TBC1D32: variants seen among roughly 807,000 people sequenced by gnomAD.
The protein encoded by TBC1D32 is TBC1 domain family member 32, also known as protein broad-minded.
A neutral mutation model predicts 170.3 loss-of-function variants in TBC1D32; 151 were observed. The observed-to-expected ratio is 0.89, with a 90% CI of 0.78 to 1.01. The LOEUF (loss-of-function observed/expected upper bound fraction) is 1.01. Among genes scored for constraint, TBC1D32 ranks in the 50% least tolerant of loss-of-function variants. The pLI is 0.00. For missense variants in TBC1D32, 1,464 were observed against 1,457.1 expected, an observed-to-expected ratio of 1.00 and a Z score of -0.08; for synonymous variants, 498 against 488.0, an observed-to-expected ratio of 1.02 and a Z score of -0.27.
chr6:121,319,650 C>A (rs949502140), intron 2 of TBC1D32, among the ~76,000 whole-genome samples: 1 of 152,044 alleles, frequency 6.6e-6, no homozygotes, highest in Non-Finnish European at 1.5e-5. Context: ...ACTTAAAATC[C>A]ATAGAAAATC....
rs1326255685 is a variant in TBC1D32, at chr6:121,314,707, G to C, written c.495+2788C>G. Among the ~76,000 whole-genome samples, 15 of 152,128 alleles carry C rather than the reference G, an allele frequency of 9.9e-5. 1 individual carries two copies. The highest frequency in any genetic ancestry group is 2.2e-4 in the Non-Finnish European group (15 of 68,026). On this transcript the variant is annotated intron_variant, in intron 3 of 31. Transcript: ENST00000398212. ...AAGACAGAAAAACTGCAAGAGGAAAGGATACAAATTCTGAAAGCTTAATGT... is the reference window on the plus strand; with the variant it reads ...AAGACAGAAAAACTGCAAGAGGAAACGATACAAATTCTGAAAGCTTAATGT...
intron 12 of TBC1D32, among the ~76,000 whole-genome samples, chr6:121,287,109 A>G (rs151160110): frequency 0.033 from 4,978 of 152,210 alleles, 190 homozygotes; most frequent in East Asian, 0.12. Context: ...AAGCAAAATA[A>G]CCAGCTAACA....
intron 18 of TBC1D32, 76 bp downstream of exon 18, chr6:121,242,125 G>T (rs1797062559): frequency 6.8e-7 from 1 of 1,460,782 alleles, no homozygotes; most frequent in Non-Finnish European, 9.3e-7. Flanking sequence ...TTCATACACA[G>T]AAAACAGAAT....
At chr6:121,123,596 C>T (rs1582866205) in intron 26 of TBC1D32, among the ~76,000 whole-genome samples, 1 of 151,892 alleles carries the variant, frequency 6.6e-6, no homozygotes, top group African/African-American at 2.4e-5. Context: ...ATATCTTTTT[C>T]CATTACTTCA....
chr6:121,210,318 T>A (rs990642887), intron 21 of TBC1D32, among the ~76,000 whole-genome samples: 1 of 152,226 alleles, frequency 6.6e-6, no homozygotes, highest in African/African-American at 2.4e-5. Context: ...AAAAAATACA[T>A]AAATTAACAT....
intron 8 of TBC1D32, among the ~76,000 whole-genome samples, 189 bp from the exon 9 acceptor site, chr6:121,303,950 T>C (rs1806916232): frequency 1.3e-5 from 2 of 152,166 alleles, no homozygotes; most frequent in South Asian, 4.2e-4. Flanking sequence ...ACTGGATCTG[T>C]GAATTTAACT....
chr6:121,250,762 A>T (rs1018288899), intron 17 of TBC1D32, among the ~76,000 whole-genome samples: 1 of 152,288 alleles, frequency 6.6e-6, no homozygotes, highest in East Asian at 1.9e-4. Flanking sequence ...GAAAGAAATA[A>T]AAGGTATTCA....
intron 15 of TBC1D32, among the ~76,000 whole-genome samples, chr6:121,257,147 G>A (rs1037165109): frequency 6.6e-6 from 1 of 152,146 alleles, no homozygotes; most frequent in African/African-American, 2.4e-5. Context: ...TTACCATGGT[G>A]TCATTTAACT....
intron 24 of TBC1D32, among the ~76,000 whole-genome samples, chr6:121,153,762 T>A (rs1784495813): frequency 6.6e-6 from 1 of 152,076 alleles, no homozygotes; most frequent in Non-Finnish European, 1.5e-5. Flanking sequence ...CTCCACCCAG[T>A]CCTAATATCC....
intron 24 of TBC1D32, among the ~76,000 whole-genome samples, chr6:121,133,491 T>G (rs1362353742): frequency 6.6e-6 from 1 of 152,022 alleles, no homozygotes; most frequent in African/African-American, 2.4e-5. Context: ...AAAATAATAC[T>G]GTAATCAAGG....
At chr6:121,155,856 C>CT (rs1784819293) in intron 24 of TBC1D32, among the ~76,000 whole-genome samples, 1 of 152,078 alleles carries the variant, frequency 6.6e-6, no homozygotes, top group Non-Finnish European at 1.5e-5. Context: ...GGAATAAACT[C>CT]TAACTTGTGG....
At chr6:121,259,647 G>A (rs1485278748) in intron 15 of TBC1D32, among the ~76,000 whole-genome samples, 3 of 152,064 alleles carry the variant, frequency 2.0e-5, no homozygotes, top group African/African-American at 4.8e-5. Flanking sequence ...TTTAGAACCT[G>A]AAAATCAAAA....
intron 24 of TBC1D32, among the ~76,000 whole-genome samples, chr6:121,138,739 T>C (rs1782421496): frequency 6.6e-6 from 1 of 152,204 alleles, no homozygotes; most frequent in African/African-American, 2.4e-5. Flanking sequence ...CAACAAAAAG[T>C]ATTTATAGAC....
chr6:121,259,310 A>T lies in TBC1D32; in HGVS notation c.1734-3025T>A, dbSNP rs137899727. ...GAGACTCCACCTCAAAAAAATAAACAAAATAAAAAGAACCCAGATCTCATA... is the reference window on the plus strand; with the variant it reads ...GAGACTCCACCTCAAAAAAATAAACTAAATAAAAAGAACCCAGATCTCATA... On this transcript the variant is annotated intron_variant, in intron 15 of 31. Transcript: ENST00000398212. Among the ~76,000 whole-genome samples, 314 of 152,194 alleles carry T rather than the reference A, an allele frequency of 2.1e-3. 1 individual carries two copies. Among genetic ancestry groups the T allele is most frequent in the African/African-American group, 7.3e-3 (302 of 41,548 alleles).
intron 15 of TBC1D32, among the ~76,000 whole-genome samples, chr6:121,266,593 T>C (rs1016190868): frequency 8.5e-5 from 13 of 152,076 alleles, no homozygotes; most frequent in African/African-American, 3.1e-4. Context: ...AATCATTCTA[T>C]TATAAAGATA....
chr6:121,289,059 C>A (rs1206026789), intron 12 of TBC1D32, among the ~76,000 whole-genome samples: 1 of 152,132 alleles, frequency 6.6e-6, no homozygotes, highest in Admixed American at 6.5e-5. Flanking sequence ...ACTGAATGGG[C>A]AAAAACTGGA....
Sources: gnomAD v4.1 joint callset for allele counts (sites outside exome capture counted in the v4.1 genomes callset) on GRCh38, gnomAD v4.1.1 for gene constraint, MANE v1.5 for transcripts, NCBI Gene and HGNC (gene_info 2026-07-23, HGNC 2026-07-21) for gene names.